The following HHAT variants were observed in gnomAD, a reference collection of about 807,000 sequenced individuals.
HHAT encodes protein-cysteine N-palmitoyltransferase HHAT.
In HHAT, 47 loss-of-function variants were observed where a neutral mutation model predicts 70.8. The ratio of observed to expected loss-of-function variants is 0.66; its 90% CI spans 0.53 to 0.85. HHAT has a LOEUF of 0.85. Ranked by LOEUF, HHAT falls within the 40% of genes least tolerant of loss-of-function variation. HHAT has a pLI of 0.00. For synonymous variants in HHAT, 228 were observed against 247.6 expected (o/e 0.92, Z 0.74); for missense variants, 609 against 604.8 (o/e 1.01, Z -0.07).
chr1:210,560,859 A>G (rs550585762), intron 9 of HHAT, among the ~76,000 whole-genome samples: 8 of 141,296 alleles, frequency 5.7e-5, no homozygotes, highest in African/African-American at 2.0e-4. Flanking sequence ...AAACCAGAGT[A>G]GAATGTGGTG....
intron 8 of HHAT, among the ~76,000 whole-genome samples, chr1:210,469,753 C>G (rs1186837527): frequency 3.9e-5 from 6 of 152,112 alleles, no homozygotes; most frequent in African/African-American, 1.2e-4. Flanking sequence ...ATAGTGGCCT[C>G]TACCTCCTGG....
In HHAT at chr1:210,560,814, TAAAAAAAAAAAAAAA is replaced by T. The variant is rs60192211; in HGVS notation, c.1044-27061_1044-27047del. Among the ~76,000 whole-genome samples the T allele has an allele frequency of 1.8e-3, 50 of 28,514 alleles. 3 individuals carry two copies. Among genetic ancestry groups the T allele is most frequent in the Admixed American group, 4.4e-3 (10 of 2,260 alleles). The allele number at this position is 28,514 out of a possible 152,430, so 18.7% of individuals were successfully genotyped here. On this transcript the variant is annotated intron_variant, in intron 9 of 11. Coordinates refer to ENST00000261458, the MANE Select transcript of HHAT (RefSeq NM_018194.6). ...GGTGACAAAGTGAGACCCTGTGTCT[TAAAAAAAAAAAAAAA>T]AAAAAAAAAAAAAAAAAAAAAACCA...
chr1:210,461,946 T>C (rs1219455235), intron 7 of HHAT, among the ~76,000 whole-genome samples: 1 of 152,214 alleles, frequency 6.6e-6, no homozygotes, highest in Non-Finnish European at 1.5e-5. Flanking sequence ...TTATCTTTAA[T>C]TATATTTAGC....
intron 8 of HHAT, among the ~76,000 whole-genome samples, chr1:210,464,934 C>T (rs1487596334): frequency 1.3e-5 from 2 of 152,158 alleles, no homozygotes; most frequent in African/African-American, 2.4e-5. Flanking sequence ...TTCTTACTAA[C>T]CTGGGAAAGG....
At chr1:210,393,964 C>T (rs911212401) in intron 4 of HHAT, among the ~76,000 whole-genome samples, 2 of 152,144 alleles carry the variant, frequency 1.3e-5, no homozygotes, top group Admixed American at 6.5e-5. Context: ...GGCCTTAATT[C>T]GGGTAGTTGT....
intron 11 of HHAT, among the ~76,000 whole-genome samples, chr1:210,633,755 A>T (rs1558319356): frequency 6.6e-6 from 1 of 152,194 alleles, no homozygotes; most frequent in Non-Finnish European, 1.5e-5. Flanking sequence ...GGGCAGGCAG[A>T]GCTGATACTC....
At chr1:210,452,366 G>A (rs115895788) in intron 7 of HHAT, among the ~76,000 whole-genome samples, 256 of 152,258 alleles carry the variant, frequency 1.7e-3, no homozygotes, top group African/African-American at 5.9e-3. Flanking sequence ...TCAGGTGGGG[G>A]CTCTCAGTGC....
intron 4 of HHAT, among the ~76,000 whole-genome samples, chr1:210,394,330 A>AAGGCTC (rs1426409557): frequency 7.0e-6 from 1 of 143,712 alleles, no homozygotes; most frequent in Non-Finnish European, 1.5e-5. Context: ...TTCCCTGGAT[A>AAGGCTC]AGGCTCTCTC....
rs989446360 is a variant in HHAT, at chr1:210,675,063, A to G, written c.*684A>G. On this transcript the variant is annotated 3_prime_UTR_variant, in exon 12 of 12. Transcript: ENST00000261458. ...GTTTCTGAGATTTGCAGAGAAGTATAACATGGTAGTTCCTCTACCTTACAG... is the reference window on the plus strand; with the variant it reads ...GTTTCTGAGATTTGCAGAGAAGTATGACATGGTAGTTCCTCTACCTTACAG... 6.6e-6 allele frequency: 1 copy of G among 152,246 alleles called. No homozygotes were observed. Among genetic ancestry groups the G allele is most frequent in the Non-Finnish European group, 1.5e-5 (1 of 68,060 alleles). The allele number at this position is 152,246 out of a possible 1,614,324, so 9.4% of individuals were successfully genotyped here. A position where few individuals can be genotyped will look rare whatever the true frequency, so the allele number is the denominator to read the frequency against.
At chr1:210,509,785 G>A (rs140842931) in intron 8 of HHAT, among the ~76,000 whole-genome samples, 24 of 152,276 alleles carry the variant, frequency 1.6e-4, no homozygotes, top group African/African-American at 5.5e-4. Context: ...CATGATCCAA[G>A]GAAAGTGAGA....
intron 1 of HHAT, among the ~76,000 whole-genome samples, chr1:210,335,706 C>T (rs914750245): frequency 3.3e-5 from 5 of 152,156 alleles, no homozygotes; most frequent in Non-Finnish European, 5.9e-5. Context: ...GACACTGGGT[C>T]GATTGACTAT....
chr1:210,395,330 G>A (rs1039466657), intron 4 of HHAT, among the ~76,000 whole-genome samples: 1 of 152,206 alleles, frequency 6.6e-6, no homozygotes, highest in Non-Finnish European at 1.5e-5. Flanking sequence ...GGTGTGAGAA[G>A]GGGCATTGTC....
intron 9 of HHAT, among the ~76,000 whole-genome samples, chr1:210,516,034 T>C (rs2148591442): frequency 1.3e-5 from 2 of 151,598 alleles, no homozygotes; most frequent in South Asian, 4.2e-4. Context: ...GGGGCCACTA[T>C]ACTCCAGCCT....
intron 3 of HHAT, among the ~76,000 whole-genome samples, chr1:210,377,001 C>T (rs929230432): frequency 1.3e-5 from 2 of 152,242 alleles, no homozygotes; most frequent in African/African-American, 4.8e-5. Context: ...TGTCTGCCCA[C>T]TGCAGAGATG....
chr1:210,472,759 A>G (rs571563122), intron 8 of HHAT, among the ~76,000 whole-genome samples: 5 of 152,306 alleles, frequency 3.3e-5, no homozygotes, highest in Non-Finnish European at 7.3e-5. Context: ...CCTCAAGGAG[A>G]TATAACACAT....
At chr1:210,593,978 T>C (rs1204669207) in intron 10 of HHAT, among the ~76,000 whole-genome samples, 1 of 152,186 alleles carries the variant, frequency 6.6e-6, no homozygotes, top group African/African-American at 2.4e-5. Flanking sequence ...CTGATTTAAG[T>C]ATAGCTGCTG....
chr1:210,661,436 CTT>C (rs577202259), intron 11 of HHAT, among the ~76,000 whole-genome samples: 2,564 of 152,314 alleles, frequency 0.017, 32 homozygotes, highest in Middle Eastern at 0.031. Context: ...AACAGGAACA[CTT>C]TTACACTTTT....
At chr1:210,669,860 C>CA (rs1303065061) in intron 11 of HHAT, among the ~76,000 whole-genome samples, 2 of 152,282 alleles carry the variant, frequency 1.3e-5, no homozygotes, top group East Asian at 3.9e-4. Context: ...GGGAGAGAGA[C>CA]AGAGACAGAG....
chr1:210,665,987 A>T (rs950777447), intron 11 of HHAT, among the ~76,000 whole-genome samples: 7 of 152,238 alleles, frequency 4.6e-5, no homozygotes, highest in Non-Finnish European at 8.8e-5. Context: ...TATTCTTTGT[A>T]GACCATTTGC....
Sources: allele counts gnomAD v4.1 joint callset (sites outside exome capture counted in the v4.1 genomes callset), GRCh38; gene constraint gnomAD v4.1.1; transcripts MANE v1.5; gene names NCBI Gene and HGNC (gene_info 2026-07-23, HGNC 2026-07-21).